Variants in GEM observed in about 807,000 individuals in gnomAD.
GEM encodes GTP-binding protein GEM.
Under a neutral mutation model 33.0 loss-of-function variants are expected in GEM, and 31 were observed. The ratio of observed to expected loss-of-function variants is 0.94; its 90% confidence interval spans 0.71 to 1.27. The LOEUF (loss-of-function observed/expected upper bound fraction) is 1.27, where lower values mean the gene tolerates loss of function less well. Ranked by LOEUF, GEM falls within the 50% of genes most tolerant of loss-of-function variation. The pLI is 0.00. For synonymous variants in GEM, 141 were observed against 143.7 expected (o/e 0.98, Z 0.13); for missense variants, 354 against 390.5 (o/e 0.91, Z 0.79).
chr8:94,256,717 CAG>C (rs1462116383), intron 2 of GEM, among the ~76,000 whole-genome samples: 1 of 152,204 alleles, frequency 6.6e-6, no homozygotes, highest in Non-Finnish European at 1.5e-5. Flanking sequence ...CCCCAGCCAA[CAG>C]TGACCAAAGT....
rs776810929 is a variant in GEM, at chr8:94,260,270, C to G, written c.234G>C (p.Val78=). The change falls in exon 2 of 5, where the codon GTG becomes GTC. Residue 78 remains valine, a synonymous_variant. Transcript: ENST00000297596. ...SSESGNTYYR[V]VLIGEQGVGK... Reference sequence around the variant, plus strand: ...CCACCCCCTGCTCCCCTATGAGCACCACTCGGTAGTAGGTGTTCCCTGACT... The same window carrying G: ...CCACCCCCTGCTCCCCTATGAGCACGACTCGGTAGTAGGTGTTCCCTGACT... The G allele has an allele frequency of 3.1e-6, 5 of 1,613,906 alleles. No individual in the cohort carries two copies. The Admixed American group carries it at 6.7e-5, about 22-fold the overall frequency.
At chr8:94,259,215 G>C (rs2129775691) in intron 2 of GEM, among the ~76,000 whole-genome samples, 1 of 152,156 alleles carries the variant, frequency 6.6e-6, no homozygotes, top group East Asian at 1.9e-4. Context: ...AGATGAGATG[G>C]GCTGTGGGTA....
Position 94,252,127 on chromosome 8 carries a change from A to G in GEM, c.505T>C (p.Ser169Pro), listed in dbSNP as rs766455469. The G allele has an allele frequency of 3.1e-6, 5 of 1,613,756 alleles. No homozygotes were observed. The South Asian group carries it at 5.5e-5, about 18-fold the overall frequency. Residue 169 changes from serine (S) to proline (P), a missense_variant, in exon 4 of 5, where the codon TCT (serine) becomes CCT (proline). Physicochemically the swap from Ser to Pro is moderately conservative, Grantham distance 74. Transcript: ENST00000297596. ...ITDRASFEKA[S>P]ELRIQLRRAR... ...CTGCGGAGCTGGATTCGCAGCTCAG[A>G]TGCCTTCTCGAAGCTCGCTCGGTCT...
intron 2 of GEM, among the ~76,000 whole-genome samples, chr8:94,258,851 C>T (rs753107758): frequency 6.6e-6 from 1 of 152,114 alleles, no homozygotes; most frequent in Non-Finnish European, 1.5e-5. Flanking sequence ...CTTTTGATCT[C>T]CCTGAGACTT....
intron 4 of GEM, 46 bp downstream of exon 4, chr8:94,251,971 CAT>C (rs770026376): frequency 2.8e-5 from 39 of 1,380,062 alleles, no homozygotes; most frequent in Middle Eastern, 3.5e-4. Context: ...AAGGAAAACA[CAT>C]GTGATCCAGC....
chr8:94,250,246 G>T lies in GEM; in HGVS notation c.*64C>A. On this transcript the variant is annotated 3_prime_UTR_variant, in exon 5 of 5. Transcript: ENST00000297596. ...TAACTTAAGTATTCAATCTAATATA[G>T]ATTATTGGTCCCAATGGCCTTCAAC... is the stretch of plus-strand genomic sequence containing the variant. 1 of 1,312,508 alleles carries T rather than the reference G, an allele frequency of 7.6e-7. No individual in the cohort carries two copies. Among genetic ancestry groups the T allele is most frequent in the Non-Finnish European group, 1.1e-6 (1 of 934,142 alleles). 81.3% of individuals were successfully genotyped at this position (1,312,508 alleles called of 1,614,324 possible).
In GEM at chr8:94,262,313, G is replaced by T. The variant is rs1351167607; in HGVS notation, c.-233C>A. On this transcript the variant is annotated 5_prime_UTR_variant, in exon 1 of 5. Transcript: ENST00000297596. ...TGCGCTGTGCCCGCCGTCCTTGCCC[G>T]CCGCCTGCAGCCGCCGCGGCCGGGC... The T allele has an allele frequency of 6.6e-6, 1 of 152,104 alleles. No individual in the cohort carries two copies. Among genetic ancestry groups the T allele is most frequent in the Non-Finnish European group, 1.5e-5 (1 of 68,030 alleles). 9.4% of individuals were successfully genotyped at this position (152,104 alleles called of 1,614,324 possible).
At position 94,250,428 on chromosome 8, in the gene GEM, C is replaced by A. The variant is rs148957520; in HGVS notation, c.773G>T (p.Arg258Met). 1.9e-4 allele frequency: 304 copies of A among 1,614,204 alleles called. No homozygotes were observed. The African/African-American group carries it at 3.3e-3, about 18-fold the overall frequency. Residue 258 changes from arginine (R) to methionine (M), a missense_variant, in exon 5 of 5, where the codon AGG becomes ATG. Arg to Met is a moderately conservative substitution (Grantham distance 91). Transcript: ENST00000297596. ...KNERRLAYQK[R>M]KESMPRKARR... is the part of the protein sequence containing the mutation. ...GGCTTTCCTGGGCATGCTCTCCTTC[C>A]TTTTCTGGTAGGCCAGCCGCCGTTC...
At chr8:94,256,552 G>A (rs561926204) in intron 2 of GEM, among the ~76,000 whole-genome samples, 13 of 152,306 alleles carry the variant, frequency 8.5e-5, no homozygotes, top group African/African-American at 3.1e-4. Context: ...CACCTCTAAA[G>A]TTCTGAGACT....
At chr8:94,251,629 T>A (rs1808772236) in intron 4 of GEM, among the ~76,000 whole-genome samples, 1 of 152,174 alleles carries the variant, frequency 6.6e-6, no homozygotes, top group African/African-American at 2.4e-5. Flanking sequence ...AGGACAGTGT[T>A]TCTAGGGCTC....
rs577585630 is a variant in GEM at position 94,259,896 on chromosome 8, C to T, written c.331+277G>A. On this transcript the variant is annotated intron_variant, in intron 2 of 4. Coordinates refer to ENST00000297596, the MANE Select transcript of GEM (RefSeq NM_005261.4). ...GGGGCGCTGACCCTCTGGCTCTGCC[C>T]TCTCTAATCAGCCTTCCCCAACCCA... 12 of 360,132 alleles carry T rather than the reference C, an allele frequency of 3.3e-5. No individual in the cohort carries two copies. In the East Asian group the frequency reaches 5.5e-4, roughly 16 times the overall value. The allele number at this position is 360,132 out of a possible 1,614,324, so 22.3% of individuals were successfully genotyped here. A position where few individuals can be genotyped will look rare whatever the true frequency, so the allele number is the denominator to read the frequency against.
At chr8:94,251,238 C>A (rs1029340365) in intron 4 of GEM, among the ~76,000 whole-genome samples, 3 of 152,150 alleles carry the variant, frequency 2.0e-5, no homozygotes, top group Non-Finnish European at 2.9e-5. Flanking sequence ...TTAAATTATA[C>A]AAGCTTTTCT....
rs148852725 is a variant in GEM at position 94,255,862 on chromosome 8, A to C, written c.332-2750T>G. Among the ~76,000 whole-genome samples the C allele has an allele frequency of 4.5e-3, 684 of 152,288 alleles. 2 individuals are homozygous for C. Among genetic ancestry groups the C allele is most frequent in the Admixed American group, 8.1e-3 (124 of 15,300 alleles). ...AGAACTCATGCTGATGGGGACAGAC[A>C]GACGTTCTATAAGGGGTGATGGTGG... On this transcript the variant is annotated intron_variant, in intron 2 of 4. Transcript: ENST00000297596.
intron 3 of GEM, among the ~76,000 whole-genome samples, chr8:94,252,513 A>G (rs1343193494): frequency 6.6e-6 from 1 of 152,154 alleles, no homozygotes; most frequent in Non-Finnish European, 1.5e-5. Flanking sequence ...GCCAAACAGC[A>G]TTTCCAATTT....
At chr8:94,252,333 A>G in intron 3 of GEM, 110 bp from the exon 4 acceptor site, 3 of 752,974 alleles carry the variant, frequency 4.0e-6, no homozygotes, top group South Asian at 3.4e-5. Flanking sequence ...GATAGGAAAA[A>G]TAGGAAAAAG....
At chr8:94,260,930 G>C (rs912360555) in intron 1 of GEM, among the ~76,000 whole-genome samples, 3 of 152,200 alleles carry the variant, frequency 2.0e-5, no homozygotes, top group African/African-American at 7.2e-5. Flanking sequence ...AGCTGGTCAG[G>C]TTAGCTGCTC....
intron 3 of GEM, 34 bp from the exon 4 acceptor site, chr8:94,252,257 T>C: frequency 7.2e-7 from 1 of 1,395,040 alleles, no homozygotes; most frequent in Non-Finnish European, 1.0e-6. Context: ...GTGAGTTCAG[T>C]TAGGCCTGGG....
intron 4 of GEM, 52 bp downstream of exon 4, chr8:94,251,967 A>T (rs1217130250): frequency 1.0e-5 from 14 of 1,360,608 alleles, no homozygotes; most frequent in Non-Finnish European, 1.5e-5. Flanking sequence ...TCTGAAGGAA[A>T]ACACATGTGA....
In GEM at chr8:94,250,218, A is replaced by G. The variant is rs1321661163; in HGVS notation, c.*92T>C. 8 of 1,057,358 alleles carry G rather than the reference A, an allele frequency of 7.6e-6. No individual in the cohort carries two copies. The highest frequency in any genetic ancestry group is 1.1e-5 in the Non-Finnish European group (8 of 719,418). The allele number at this position is 1,057,358 out of a possible 1,614,324, so 65.5% of individuals were successfully genotyped here. On this transcript the variant is annotated 3_prime_UTR_variant, in exon 5 of 5. Coordinates refer to ENST00000297596, the MANE Select transcript of GEM (RefSeq NM_005261.4). ...TCCCTGCTACAATGGGGGAAACCAC[A>G]TCTAACTTAAGTATTCAATCTAATA...
Sources: allele counts gnomAD v4.1 joint callset (sites outside exome capture counted in the v4.1 genomes callset), GRCh38; gene constraint gnomAD v4.1.1; transcripts MANE v1.5; gene names NCBI Gene and HGNC (gene_info 2026-07-23, HGNC 2026-07-21).